Variants in MOXD1 observed in about 807,000 individuals in gnomAD.
MOXD1 encodes monooxygenase DBH like 1, also known as DBH-like monooxygenase protein 1.
In MOXD1, 62 loss-of-function variants were observed where a neutral mutation model predicts 66.6. The observed-to-expected ratio is 0.93, with a 90% CI of 0.76 to 1.15. The LOEUF is 1.15. Ranked by LOEUF, MOXD1 falls within the 50% of genes most tolerant of loss-of-function variation. The pLI, the probability that MOXD1 is intolerant of heterozygous loss-of-function variation, is 0.00. For missense variants in MOXD1, 847 were observed against 754.6 expected, an observed-to-expected ratio of 1.12 and a Z score of -1.44; for synonymous variants, 303 against 281.9, an observed-to-expected ratio of 1.07 and a Z score of -0.75.
chr6:132,390,522 C>T (rs1776737758), intron 1 of MOXD1: 1 of 151,598 alleles, frequency 6.6e-6, no homozygotes, highest in Non-Finnish European at 1.5e-5. Flanking sequence ...ACCCCCACCA[C>T]CACAATACGG....
chr6:132,331,315 G>A (rs1775313004), intron 4 of MOXD1, among the ~76,000 whole-genome samples: 1 of 152,146 alleles, frequency 6.6e-6, no homozygotes, highest in South Asian at 2.1e-4. Flanking sequence ...GCTCTGTAAG[G>A]TAGATCTTGG....
intron 4 of MOXD1, 151 bp from the exon 5 acceptor site, chr6:132,328,745 T>C (rs547494489): frequency 6.8e-6 from 5 of 733,368 alleles, no homozygotes; most frequent in Non-Finnish European, 1.1e-5. Flanking sequence ...AAGTCTAATT[T>C]GTTCTGGAGA....
At chr6:132,377,893 C>T (rs1776426473) in intron 1 of MOXD1, among the ~76,000 whole-genome samples, 2 of 151,978 alleles carry the variant, frequency 1.3e-5, no homozygotes, top group Admixed American at 6.6e-5. Flanking sequence ...TTTAGGAGGC[C>T]AAGGGGGGTG....
At chr6:132,311,469 T>C (rs1774829113) in intron 10 of MOXD1, among the ~76,000 whole-genome samples, 1 of 151,678 alleles carries the variant, frequency 6.6e-6, no homozygotes, top group African/African-American at 2.4e-5. Context: ...GGGAAAAATA[T>C]GAAAGTATAA....
chr6:132,362,392 T>C (rs936221007), intron 4 of MOXD1, among the ~76,000 whole-genome samples: 5 of 152,192 alleles, frequency 3.3e-5, no homozygotes, highest in African/African-American at 1.2e-4. Context: ...GTTATTAACA[T>C]GAATTTGGTC....
intron 1 of MOXD1, among the ~76,000 whole-genome samples, chr6:132,385,137 T>C (rs1331830081): frequency 6.6e-6 from 1 of 152,154 alleles, no homozygotes; most frequent in Non-Finnish European, 1.5e-5. Flanking sequence ...TGACTGGAGC[T>C]AAAGCTAACA....
intron 4 of MOXD1, among the ~76,000 whole-genome samples, chr6:132,344,957 C>A (rs1286394316): frequency 6.6e-6 from 1 of 152,140 alleles, no homozygotes; most frequent in Non-Finnish European, 1.5e-5. Flanking sequence ...AACCCAGGAC[C>A]CGCCAAACAG....
intron 1 of MOXD1, among the ~76,000 whole-genome samples, chr6:132,383,854 G>C (rs1004649663): frequency 6.6e-6 from 1 of 152,160 alleles, no homozygotes; most frequent in Non-Finnish European, 1.5e-5. Context: ...CAGATCACCT[G>C]AGGTTAGGAG....
intron 4 of MOXD1, among the ~76,000 whole-genome samples, chr6:132,366,578 G>A (rs1776146500): frequency 6.6e-6 from 1 of 152,116 alleles, no homozygotes; most frequent in South Asian, 2.1e-4. Context: ...TCAGAGAAGA[G>A]CTAATTCTGA....
rs554089672 is a variant in MOXD1, at chr6:132,298,228, C to T, written c.1509-273G>A. ...TAGATATGGGGTCTTGCTATGTTGC[C>T]CAGGTTGGTCTGGAACTCCCAGGCG... On this transcript the variant is annotated intron_variant, in intron 10 of 11. Transcript: ENST00000367963. 1.9e-4 allele frequency among the ~76,000 whole-genome samples: 29 copies of T among 151,904 alleles called. No homozygotes were observed. The South Asian group carries it at 5.6e-3, about 29-fold the overall frequency.
At chr6:132,398,545 T>A (rs1471545464) in intron 1 of MOXD1, among the ~76,000 whole-genome samples, 1 of 152,206 alleles carries the variant, frequency 6.6e-6, no homozygotes, top group Non-Finnish European at 1.5e-5. Flanking sequence ...CGGGAGCCAA[T>A]GTTTTTTGTG....
intron 10 of MOXD1, among the ~76,000 whole-genome samples, chr6:132,312,460 C>T (rs866973997): frequency 2.6e-5 from 4 of 152,108 alleles, no homozygotes; most frequent in African/African-American, 7.2e-5. Context: ...TTGGCCTTCA[C>T]TATCACTTAT....
At chr6:132,354,368 C>CT (rs1358433332) in intron 4 of MOXD1, among the ~76,000 whole-genome samples, 5 of 152,168 alleles carry the variant, frequency 3.3e-5, no homozygotes, top group Non-Finnish European at 5.9e-5. Context: ...GTACTCTCCC[C>CT]TTTTTTCTAT....
intron 4 of MOXD1, among the ~76,000 whole-genome samples, chr6:132,360,126 T>C (rs1241049159): frequency 6.6e-6 from 1 of 152,234 alleles, no homozygotes; most frequent in Non-Finnish European, 1.5e-5. Flanking sequence ...CAGGGACCAA[T>C]GTGTAATACT....
In MOXD1 at chr6:132,351,368, T is replaced by C. The variant is rs563919161; in HGVS notation, c.663+21240A>G. Among the ~76,000 whole-genome samples, 5 of 152,256 alleles carry C rather than the reference T, an allele frequency of 3.3e-5. No homozygotes were observed. In the South Asian group the frequency reaches 1.0e-3, roughly 32 times the overall value. On this transcript the variant is annotated intron_variant, in intron 4 of 11. Coordinates refer to ENST00000367963, the MANE Select transcript of MOXD1 (RefSeq NM_015529.4). ...ATCGTAAAGGGATGCCAGATTTTGT[T>C]GGATGCTTTTTCTGCATCTATTGAG...
chr6:132,342,464 T>C (rs1228641806), intron 4 of MOXD1, among the ~76,000 whole-genome samples: 1 of 152,252 alleles, frequency 6.6e-6, no homozygotes, highest in Non-Finnish European at 1.5e-5. Flanking sequence ...TTCTCCTTAG[T>C]TGGAGTAACA....
At chr6:132,374,486 T>TA (rs10557781) in intron 2 of MOXD1, 145 bp downstream of exon 2, 23,810 of 794,784 alleles carry the variant, frequency 0.03, 8 homozygotes, top group Non-Finnish European at 0.033. Context: ...AAGAAAAAAC[T>TA]AAAAAAAAAA....
chr6:132,355,325 C>T (rs1775890476), intron 4 of MOXD1, among the ~76,000 whole-genome samples: 1 of 152,144 alleles, frequency 6.6e-6, no homozygotes. Flanking sequence ...AGGTCCTTTC[C>T]CACTGCTTCC....
chr6:132,384,244 TC>T (rs1776572036), intron 1 of MOXD1, among the ~76,000 whole-genome samples: 1 of 3,340 alleles, frequency 3.0e-4, no homozygotes, highest in African/African-American at 8.0e-4. Context: ...CTCCCTCTCT[TC>T]CTTCCTTCCT....
Sources: gnomAD v4.1 joint callset for allele counts (sites outside exome capture counted in the v4.1 genomes callset) on GRCh38, gnomAD v4.1.1 for gene constraint, MANE v1.5 for transcripts, NCBI Gene and HGNC (gene_info 2026-07-23, HGNC 2026-07-21) for gene names.